Variants in SYNE2 observed in about 807,000 individuals in gnomAD.
SYNE2 encodes the protein spectrin repeat containing nuclear envelope protein 2.
Under a neutral mutation model 856.3 loss-of-function variants are expected in SYNE2, and 431 were observed. The ratio of observed to expected loss-of-function variants is 0.50; its 90% CI spans 0.47 to 0.55. The LOEUF (loss-of-function observed/expected upper bound fraction) is 0.55. Among genes scored for constraint, SYNE2 ranks in the 20% least tolerant of loss-of-function variants. The probability of loss-of-function intolerance (pLI) is 0.00; values close to 1 mark genes in which losing one functional copy is unlikely to be tolerated. For synonymous variants in SYNE2, 2,923 were observed against 2,872.3 expected (o/e 1.02, Z -0.56); for missense variants, 8,129 against 8,023.2 (o/e 1.01, Z -0.50).
rs749089209 is a variant in SYNE2, at chr14:64,002,816, C to A, written c.3883C>A (p.His1295Asn). Residue 1295 changes from histidine (H) to asparagine (N), a missense_variant, in exon 30 of 116, where the codon CAC becomes AAC. His to Asn is a moderately conservative substitution (Grantham distance 68, BLOSUM62 1). This residue lies in a region of SYNE2 where 2,422 missense variants were observed against 2,357.4 expected (regional missense o/e 1.03). Transcript: ENST00000555002. ...AAAGGAGTTACACCCATTTGATCTA[C>A]ACGCAATGCAGAATATTATACTGAA... is the stretch of plus-strand genomic sequence containing the variant. ...VLKELHPFDL[H>N]AMQNIILKYK... 8 of 1,614,124 alleles carry A rather than the reference C, an allele frequency of 5.0e-6. No individual in the cohort carries two copies. Among genetic ancestry groups the A allele is most frequent in the Admixed American group, 1.7e-5 (1 of 60,028 alleles).
chr14:64,143,481 C>T (rs1049334013), intron 82 of SYNE2, among the ~76,000 whole-genome samples: 3 of 152,234 alleles, frequency 2.0e-5, no homozygotes, highest in African/African-American at 7.2e-5. Flanking sequence ...GAAGCTTTGT[C>T]ATATCCTGGG....
In SYNE2 at chr14:63,998,967, G is replaced by A; in HGVS notation, c.3407G>A (p.Arg1136Lys). Residue 1136 changes from arginine (R) to lysine (K), a missense_variant, in exon 27 of 116, where the codon AGG becomes AAG. By Grantham distance (26) the Arg-to-Lys change is conservative. Coordinates refer to ENST00000555002, the MANE Select transcript of SYNE2 (RefSeq NM_182914.3). ...LEHHLQNNKF[R>K]ITSDFSSEED... Reference sequence around the variant, plus strand: ...CACCACCTGCAAAACAACAAATTCAGGATTACTTCTGATTTCTCTAGTGAA... The same window carrying A: ...CACCACCTGCAAAACAACAAATTCAAGATTACTTCTGATTTCTCTAGTGAA... The A allele has an allele frequency of 6.2e-7, 1 of 1,614,070 alleles. No homozygotes were observed. Among genetic ancestry groups the A allele is most frequent in the South Asian group, 1.1e-5 (1 of 91,082 alleles).
At chr14:63,890,493 T>C (rs1327010471) in intron 1 of SYNE2, among the ~76,000 whole-genome samples, 1 of 152,070 alleles carries the variant, frequency 6.6e-6, no homozygotes. Flanking sequence ...TTTAGGGAAA[T>C]GGGGTTCTGA....
intron 56 of SYNE2, 151 bp from the exon 57 acceptor site, chr14:64,081,292 G>A: frequency 2.3e-6 from 2 of 864,778 alleles, no homozygotes; most frequent in Non-Finnish European, 3.8e-6. Flanking sequence ...TCATAGCCTA[G>A]AGCAGGTGAA....
In SYNE2 at chr14:63,997,155, A is replaced by AT; in HGVS notation, c.3149_3150insT (p.Glu1051ArgfsTer8). The AT allele has an allele frequency of 6.2e-7, 1 of 1,613,522 alleles. No homozygotes were observed. The highest frequency in any genetic ancestry group is 8.5e-7 in the Non-Finnish European group (1 of 1,179,576). On this transcript the variant is annotated frameshift_variant, in exon 24 of 116. Coordinates refer to ENST00000555002, the MANE Select transcript of SYNE2 (RefSeq NM_182914.3). LOFTEE classifies it high-confidence loss of function. ...CCCACAGCGGGAGGCACGTCGAAAA[A>AT]CGAGTTAGTACTTCATAAGAATAGC...
intron 1 of SYNE2, among the ~76,000 whole-genome samples, chr14:63,778,746 C>T (rs1224495045): frequency 6.6e-6 from 1 of 152,118 alleles, no homozygotes; most frequent in Non-Finnish European, 1.5e-5. Flanking sequence ...AACTGCTGGC[C>T]TCAAGTAATC....
At chr14:63,843,189 A>G (rs916556518) in intron 1 of SYNE2, among the ~76,000 whole-genome samples, 4 of 151,876 alleles carry the variant, frequency 2.6e-5, no homozygotes, top group African/African-American at 9.7e-5. Context: ...GGTGTGCCCC[A>G]CCATACCAGG....
At chr14:64,013,322 A>T (rs1251099392) in intron 32 of SYNE2, among the ~76,000 whole-genome samples, 1 of 68,066 alleles carries the variant, frequency 1.5e-5, no homozygotes, top group Admixed American at 2.2e-4. Context: ...TTCCTCATTA[A>T]ATTTTTTTTT....
chr14:64,221,838 C>A, intron 112 of SYNE2, 134 bp downstream of exon 112: 1 of 1,049,910 alleles, frequency 9.5e-7, no homozygotes, highest in East Asian at 2.5e-5. Flanking sequence ...ACGAGTTCAG[C>A]CCTAGTGTTC....
At chr14:63,847,390 G>A (rs974080339) in intron 1 of SYNE2, among the ~76,000 whole-genome samples, 2 of 151,860 alleles carry the variant, frequency 1.3e-5, no homozygotes, top group Non-Finnish European at 1.5e-5. Context: ...CCAGGAGGTC[G>A]AGGCTGCAAT....
intron 99 of SYNE2, chr14:64,202,183 T>G: frequency 1.4e-6 from 1 of 702,308 alleles, no homozygotes; most frequent in Non-Finnish European, 2.6e-6. Flanking sequence ...CCCCTCCCTT[T>G]TAGACGGACA....
chr14:63,932,781 T>C (rs1355814550), intron 2 of SYNE2, among the ~76,000 whole-genome samples: 1 of 152,206 alleles, frequency 6.6e-6, no homozygotes, highest in Non-Finnish European at 1.5e-5. Context: ...AATGCCCACA[T>C]GTGCTGGGTG....
chr14:63,883,181 C>T (rs1415891283), intron 1 of SYNE2, among the ~76,000 whole-genome samples: 1 of 152,090 alleles, frequency 6.6e-6, no homozygotes, highest in Non-Finnish European at 1.5e-5. Context: ...ACCTCAGCCT[C>T]CTGAGTAGCT....
At chr14:63,940,801 T>G in intron 3 of SYNE2, 126 bp downstream of exon 3, 1 of 806,352 alleles carries the variant, frequency 1.2e-6, no homozygotes, top group Non-Finnish European at 2.1e-6. Flanking sequence ...TTGTGGAATG[T>G]CTTTTCTTGA....
intron 1 of SYNE2, among the ~76,000 whole-genome samples, chr14:63,811,641 A>G (rs1888619279): frequency 6.6e-6 from 1 of 152,174 alleles, no homozygotes; most frequent in Non-Finnish European, 1.5e-5. Context: ...CGCCCCCAAT[A>G]TTTCAACGTA....
chr14:64,167,592 G>A lies in SYNE2; in HGVS notation c.16858G>A (p.Val5620Met). The A allele has an allele frequency of 6.2e-7, 1 of 1,614,230 alleles. No individual in the cohort carries two copies. Residue 5620 changes from valine (V) to methionine (M), a missense_variant, in exon 92 of 116, where the codon GTG (valine) becomes ATG (methionine). Val to Met is a conservative substitution (Grantham distance 21, BLOSUM62 1). Around this residue, in one of 3 missense-constraint regions of SYNE2, gnomAD observed 5,410 missense variants for 5,284.8 expected, o/e 1.02. Coordinates refer to ENST00000555002, the MANE Select transcript of SYNE2 (RefSeq NM_182914.3). ...GATAGAAGAAGCACTCAAAGTGGATGTGGCTAACAGCCTTCCTGAGCTCCT... is the reference window on the plus strand; with the variant it reads ...GATAGAAGAAGCACTCAAAGTGGATATGGCTAACAGCCTTCCTGAGCTCCT... ...EKIEEALKVD[V>M]ANSLPELLEQ...
chr14:64,064,292 A>T (rs945083227), intron 50 of SYNE2, among the ~76,000 whole-genome samples: 2 of 152,230 alleles, frequency 1.3e-5, no homozygotes, highest in African/African-American at 4.8e-5. Context: ...GAACATATAC[A>T]GCATGATGTG....
At position 64,132,970 on chromosome 14, in the gene SYNE2, AG is replaced by A. The variant is rs1234419869; in HGVS notation, c.14514+538del. Among the ~76,000 whole-genome samples, 20 of 152,194 alleles carry A rather than the reference AG, an allele frequency of 1.3e-4. 1 individual carries two copies. Among genetic ancestry groups the A allele is most frequent in the African/African-American group, 4.8e-4 (20 of 41,538 alleles). On this transcript the variant is annotated intron_variant, in intron 77 of 115. Transcript: ENST00000555002. ...GTAATCCCAGCACTTTGGGAGGCGG[AG>A]GGGGGCAGATCACGAGGTCAGGAGA...
chr14:63,876,233 C>T (rs543872789), intron 1 of SYNE2, among the ~76,000 whole-genome samples: 26 of 134,636 alleles, frequency 1.9e-4, no homozygotes, highest in African/African-American at 5.9e-4. Flanking sequence ...GGCAACACAG[C>T]GAGACTCTAT....
Sources: allele counts gnomAD v4.1 joint callset (sites outside exome capture counted in the v4.1 genomes callset), GRCh38; gene constraint gnomAD v4.1.1; regional missense constraint gnomAD v4.1.1; transcripts MANE v1.5; gene names NCBI Gene and HGNC (gene_info 2026-07-23, HGNC 2026-07-21).